The following LIN7A variants were observed in gnomAD, a reference collection of about 807,000 sequenced individuals.
LIN7A encodes the protein protein lin-7 homolog A.
LIN7A carries 25 observed loss-of-function variants against 29.8 expected under a neutral mutation model. The observed-to-expected ratio is 0.84, with a 90% CI of 0.61 to 1.17. The LOEUF is 1.17. LIN7A is among the 50% of genes most tolerant of loss of function. The probability of loss-of-function intolerance (pLI) is 0.00; values close to 1 mark genes in which losing one functional copy is unlikely to be tolerated. For synonymous variants in LIN7A, 118 were observed against 107.5 expected, an observed-to-expected ratio of 1.10 and a Z score of -0.60; for missense variants, 239 against 287.0, an observed-to-expected ratio of 0.83 and a Z score of 1.21.
At chr12:80,909,234 T>C (rs890779926) in intron 1 of LIN7A, among the ~76,000 whole-genome samples, 1 of 152,172 alleles carries the variant, frequency 6.6e-6, no homozygotes, top group Non-Finnish European at 1.5e-5. Flanking sequence ...TTTTCCCCAG[T>C]GAGTTCCCCT....
chr12:80,840,687 G>A (rs142618554), intron 4 of LIN7A, among the ~76,000 whole-genome samples: 489 of 152,278 alleles, frequency 3.2e-3, no homozygotes, highest in Non-Finnish European at 4.9e-3. Context: ...CATAGGTAGA[G>A]CCTACTCATC....
At chr12:80,839,391 C>A (rs1872711715) in intron 4 of LIN7A, among the ~76,000 whole-genome samples, 1 of 152,122 alleles carries the variant, frequency 6.6e-6, no homozygotes, top group Non-Finnish European at 1.5e-5. Flanking sequence ...CACTGAGGAT[C>A]ATTACGGGTA....
chr12:80,904,566 A>G (rs1284351672), intron 1 of LIN7A, among the ~76,000 whole-genome samples: 3 of 152,092 alleles, frequency 2.0e-5, no homozygotes, highest in Non-Finnish European at 4.4e-5. Flanking sequence ...GTTTCCCTTA[A>G]CATCATGTCT....
rs1872595419 is a variant in LIN7A, at chr12:80,836,533, G to A, written c.483+9197C>T. Among the ~76,000 whole-genome samples the A allele has an allele frequency of 3.3e-5, 5 of 152,196 alleles. No individual in the cohort carries two copies. The South Asian group carries it at 1.0e-3, about 32-fold the overall frequency. On this transcript the variant is annotated intron_variant, in intron 4 of 5. Coordinates refer to ENST00000552864, the MANE Select transcript of LIN7A (RefSeq NM_004664.4). ...CTAGCCGGCATGGTGGCATGTGCCT[G>A]TGGTCCCAGCCACTCAGGAGGCTGA... is the stretch of plus-strand genomic sequence containing the variant.
chr12:80,828,080 A>G (rs1872166955), intron 4 of LIN7A, among the ~76,000 whole-genome samples: 1 of 152,226 alleles, frequency 6.6e-6, no homozygotes, highest in Non-Finnish European at 1.5e-5. Context: ...CATGCTTAAA[A>G]AAAGAATGTA....
At chr12:80,916,577 G>A (rs1877040360) in intron 1 of LIN7A, among the ~76,000 whole-genome samples, 1 of 152,162 alleles carries the variant, frequency 6.6e-6, no homozygotes, top group Non-Finnish European at 1.5e-5. Flanking sequence ...CCTGAGAGTT[G>A]AGACTGTGTC....
At chr12:80,798,515 C>T (rs945452876) in intron 5 of LIN7A, among the ~76,000 whole-genome samples, 4 of 152,118 alleles carry the variant, frequency 2.6e-5, no homozygotes, top group Admixed American at 6.6e-5. Context: ...TGCATAAACC[C>T]ATTGTGTTTC....
intron 1 of LIN7A, among the ~76,000 whole-genome samples, chr12:80,896,934 C>T (rs1272918526): frequency 6.6e-6 from 1 of 152,104 alleles, no homozygotes; most frequent in Non-Finnish European, 1.5e-5. Flanking sequence ...AATTGATTAC[C>T]TACCCAATAA....
intron 4 of LIN7A, chr12:80,845,455 C>G (rs932346388): frequency 1.2e-5 from 4 of 322,654 alleles, no homozygotes; most frequent in Non-Finnish European, 1.7e-5. Context: ...GTAAATGTTA[C>G]TTGGAGTATT....
chr12:80,899,517 TCC>T (rs1876085020), intron 1 of LIN7A, among the ~76,000 whole-genome samples: 1 of 151,872 alleles, frequency 6.6e-6, no homozygotes, highest in South Asian at 2.1e-4. Flanking sequence ...TAGGGAGGAG[TCC>T]CTCCTTTTCA....
chr12:80,877,192 C>T (rs539656230), intron 2 of LIN7A, among the ~76,000 whole-genome samples: 33 of 151,032 alleles, frequency 2.2e-4, no homozygotes, highest in African/African-American at 7.0e-4. Context: ...CACAAATACC[C>T]CAGAGAAGCC....
At chr12:80,934,383 A>C (rs1230731073) in intron 1 of LIN7A, among the ~76,000 whole-genome samples, 1 of 152,188 alleles carries the variant, frequency 6.6e-6, no homozygotes, top group African/African-American at 2.4e-5. Context: ...GGTTGATCTC[A>C]GATCTTAATG....
chr12:80,860,367 CA>C lies in LIN7A; in HGVS notation c.202-12046del, dbSNP rs1873802851. On this transcript the variant is annotated intron_variant, in intron 2 of 5. Transcript: ENST00000552864. ...AAGAATGGATGTGAGACAAGTCATT[CA>C]AATTGCAACACAAAATGTTGCCAAA... 2.0e-5 allele frequency among the ~76,000 whole-genome samples: 3 copies of C among 152,266 alleles called. No homozygotes were observed. In the South Asian group the frequency reaches 6.2e-4, roughly 32 times the overall value.
At chr12:80,913,682 T>G (rs1015822520) in intron 1 of LIN7A, among the ~76,000 whole-genome samples, 3 of 152,222 alleles carry the variant, frequency 2.0e-5, no homozygotes, top group Non-Finnish European at 2.9e-5. Context: ...TATGCTGTGT[T>G]TATTAGGTTT....
chr12:80,906,922 C>G (rs947168025), intron 1 of LIN7A, among the ~76,000 whole-genome samples: 1 of 152,172 alleles, frequency 6.6e-6, no homozygotes, highest in African/African-American at 2.4e-5. Flanking sequence ...GAGGGTGTCT[C>G]AAAGATCAGA....
chr12:80,829,489 G>T (rs1011522848), intron 4 of LIN7A, among the ~76,000 whole-genome samples: 1 of 152,006 alleles, frequency 6.6e-6, no homozygotes, highest in Admixed American at 6.6e-5. Flanking sequence ...CAATATATAG[G>T]CTATAAATCC....
At chr12:80,935,791 A>G (rs746900432) in intron 1 of LIN7A, 1 of 510,202 alleles carries the variant, frequency 2.0e-6, no homozygotes, top group Admixed American at 1.9e-5. Context: ...CATGTACGTA[A>G]TTACACTCAG....
At chr12:80,807,068 T>TG (rs1871036379) in intron 5 of LIN7A, among the ~76,000 whole-genome samples, 1 of 84,996 alleles carries the variant, frequency 1.2e-5, no homozygotes, top group Non-Finnish European at 2.2e-5. Context: ...ATGGAGTTTT[T>TG]TTTTTTTTTT....
chr12:80,847,485 G>T (rs1360313683), intron 3 of LIN7A, among the ~76,000 whole-genome samples: 5 of 151,936 alleles, frequency 3.3e-5, no homozygotes, highest in African/African-American at 9.7e-5. Flanking sequence ...ATAATTAAAT[G>T]GAAAATTCTA....
Sources: gnomAD v4.1 joint callset for allele counts (sites outside exome capture counted in the v4.1 genomes callset) on GRCh38, gnomAD v4.1.1 for gene constraint, MANE v1.5 for transcripts, NCBI Gene and HGNC (gene_info 2026-07-23, HGNC 2026-07-21) for gene names.